Variants in CCNB2 observed in about 807,000 individuals in gnomAD.
CCNB2 encodes the protein G2/mitotic-specific cyclin-B2.
Under a neutral mutation model 51.1 loss-of-function variants are expected in CCNB2, and 39 were observed. The observed-to-expected ratio is 0.76, with a 90% CI of 0.59 to 1.00. CCNB2 has a LOEUF of 1.00. Ranked by LOEUF, CCNB2 falls within the 50% of genes least tolerant of loss-of-function variation. The pLI, the probability that CCNB2 is intolerant of heterozygous loss-of-function variation, is 0.00. For missense variants in CCNB2, 472 were observed against 470.3 expected, an observed-to-expected ratio of 1.00 and a Z score of -0.03; for synonymous variants, 174 against 165.5, an observed-to-expected ratio of 1.05 and a Z score of -0.40.
At chr15:59,111,858 T>TTC (rs1314825090) in intron 3 of CCNB2, among the ~76,000 whole-genome samples, 17 of 123,316 alleles carry the variant, frequency 1.4e-4, no homozygotes, top group South Asian at 1.1e-3. Flanking sequence ...CTTTCTTTCT[T>TTC]TTTTTTTTTT....
chr15:59,106,606 G>A (rs1566955042), intron 1 of CCNB2, among the ~76,000 whole-genome samples: 1 of 152,084 alleles, frequency 6.6e-6, no homozygotes, highest in Admixed American at 6.5e-5. Flanking sequence ...AGCACATTAT[G>A]TCTAAAGCAG....
intron 3 of CCNB2, 59 bp downstream of exon 3, chr15:59,107,729 A>T (rs766965779): frequency 7.7e-7 from 1 of 1,301,006 alleles, no homozygotes; most frequent in Non-Finnish European, 1.1e-6. Context: ...TAGCCAGACT[A>T]CAAGGGTGCC....
chr15:59,121,931 CAAAAAAAAAAAAA>C (rs3052992), intron 7 of CCNB2, among the ~76,000 whole-genome samples: 8 of 14,094 alleles, frequency 5.7e-4, no homozygotes, highest in South Asian at 2.9e-3. Flanking sequence ...GACTCTGTCT[CAAAAAAAAAAAAA>C]AAAAAAAAAA....
intron 7 of CCNB2, among the ~76,000 whole-genome samples, chr15:59,119,276 G>A (rs1481221638): frequency 3.9e-5 from 6 of 151,928 alleles, no homozygotes; most frequent in Non-Finnish European, 8.8e-5. Context: ...CCTGGGTAGC[G>A]TAGCAAGACC....
intron 1 of CCNB2, among the ~76,000 whole-genome samples, chr15:59,105,964 A>C (rs1388546499): frequency 3.9e-5 from 6 of 152,158 alleles, no homozygotes; most frequent in African/African-American, 1.4e-4. Flanking sequence ...AAAGGGTCCA[A>C]ATTCATTTAT....
chr15:59,107,326 C>A lies in CCNB2; in HGVS notation c.29C>A (p.Ser10Tyr). The change falls in exon 2 of 9, where the codon TCC becomes TAC. Residue 10 changes from serine to tyrosine, a missense_variant. Transcript: ENST00000288207. MALLRRPTV[S>Y]SDLENIDTGV... The stretch of plus-strand genomic sequence containing the variant: ...ACTTTTTTTTTTTTTTTTCAGGTGT[C>A]CAGTGATTTGGAGAATATTGACACA... 6.5e-7 allele frequency: 1 copy of A among 1,543,418 alleles called. No homozygotes were observed. Among genetic ancestry groups the A allele is most frequent in the South Asian group, 1.2e-5 (1 of 81,922 alleles).
intron 1 of CCNB2, 103 bp from the exon 2 acceptor site, chr15:59,107,219 A>G: frequency 9.9e-7 from 1 of 1,012,380 alleles, no homozygotes; most frequent in Non-Finnish European, 1.4e-6. Flanking sequence ...ATAGATCTTG[A>G]CGTATTGTCC....
At chr15:59,108,130 T>G (rs1192062487) in intron 3 of CCNB2, among the ~76,000 whole-genome samples, 5 of 152,186 alleles carry the variant, frequency 3.3e-5, no homozygotes, top group Admixed American at 6.5e-5. Flanking sequence ...AGATGATAGC[T>G]GACAGGAAAG....
chr15:59,123,201 C>G (rs146094517), intron 7 of CCNB2, among the ~76,000 whole-genome samples: 1 of 152,234 alleles, frequency 6.6e-6, no homozygotes, highest in Non-Finnish European at 1.5e-5. Context: ...TTAAGTGTCT[C>G]CTTTTCCATC....
intron 7 of CCNB2, among the ~76,000 whole-genome samples, chr15:59,118,225 A>G (rs947186562): frequency 5.9e-5 from 9 of 152,236 alleles, no homozygotes; most frequent in African/African-American, 2.2e-4. Context: ...TCTTTGTTTC[A>G]CATGGCAAAA....
intron 3 of CCNB2, among the ~76,000 whole-genome samples, chr15:59,112,249 G>A (rs1372169366): frequency 6.6e-6 from 1 of 152,092 alleles, no homozygotes; most frequent in East Asian, 1.9e-4. Flanking sequence ...AAGAGGGGAG[G>A]ACATGTTTTA....
chr15:59,123,689 T>TG (rs1168762299), intron 8 of CCNB2, 62 bp downstream of exon 8: 209 of 458,496 alleles, frequency 4.6e-4, no homozygotes, highest in African/African-American at 2.8e-3. Context: ...GTGTGTATGT[T>TG]GGGCGGGGGG....
intron 6 of CCNB2, 103 bp from the exon 7 acceptor site, chr15:59,117,125 A>G (rs2079282444): frequency 1.1e-5 from 13 of 1,209,538 alleles, no homozygotes; most frequent in East Asian, 2.3e-5. Flanking sequence ...CTTGAGAAGG[A>G]TAAGTGAGTC....
chr15:59,105,372 A>C, intron 1 of CCNB2, 80 bp downstream of exon 1: 1 of 1,456,250 alleles, frequency 6.9e-7, no homozygotes, highest in South Asian at 1.2e-5. Context: ...ATCTGCTCCG[A>C]GCTTCTCCGT....
At chr15:59,117,100 T>A in intron 6 of CCNB2, 128 bp from the exon 7 acceptor site, 1 of 1,045,086 alleles carries the variant, frequency 9.6e-7, no homozygotes, top group Non-Finnish European at 1.4e-6. Context: ...CAACATAGTG[T>A]GGAATAGAGT....
intron 5 of CCNB2, 78 bp from the exon 6 acceptor site, chr15:59,116,612 G>A (rs2079279751): frequency 1.0e-6 from 1 of 995,200 alleles, no homozygotes; most frequent in African/African-American, 1.6e-5. Context: ...CCAGGACTTG[G>A]TTTCCTTTCC....
intron 1 of CCNB2, among the ~76,000 whole-genome samples, chr15:59,106,732 G>C (rs1725553415): frequency 6.6e-6 from 1 of 152,118 alleles, no homozygotes; most frequent in African/African-American, 2.4e-5. Context: ...TAATATAAGA[G>C]AAAATCCATT....
intron 1 of CCNB2, 117 bp downstream of exon 1, chr15:59,105,409 C>T (rs1168648825): frequency 1.7e-6 from 2 of 1,147,144 alleles, no homozygotes; most frequent in African/African-American, 3.1e-5. Flanking sequence ...TTTCTCTTCT[C>T]CGGAGCTCAC....
intron 3 of CCNB2, among the ~76,000 whole-genome samples, chr15:59,110,783 T>G (rs771570571): frequency 6.6e-6 from 1 of 152,176 alleles, no homozygotes; most frequent in African/African-American, 2.4e-5. Flanking sequence ...CCTTTACAGG[T>G]AGTCATAGAA....
Sources: gnomAD v4.1 joint callset for allele counts (sites outside exome capture counted in the v4.1 genomes callset) on GRCh38, gnomAD v4.1.1 for gene constraint, MANE v1.5 for transcripts, NCBI Gene and HGNC (gene_info 2026-07-23, HGNC 2026-07-21) for gene names.